The following RASGRP1 variants were observed in gnomAD, a reference collection of about 807,000 sequenced individuals.
RASGRP1 encodes RAS guanyl-releasing protein 1.
A neutral mutation model predicts 95.1 loss-of-function variants in RASGRP1; 37 were observed. The observed-to-expected ratio is 0.39, with a 90% CI of 0.30 to 0.51. RASGRP1 has a LOEUF of 0.51. Among genes scored for constraint, RASGRP1 ranks in the 20% least tolerant of loss-of-function variants. The probability of loss-of-function intolerance (pLI) is 0.80; values close to 1 mark genes in which losing one functional copy is unlikely to be tolerated. For synonymous variants in RASGRP1, 325 were observed against 353.4 expected (o/e 0.92, Z 0.90); for missense variants, 711 against 965.4 (o/e 0.74, Z 3.49).
intron 16 of RASGRP1, among the ~76,000 whole-genome samples, chr15:38,490,998 C>T (rs1362478051): frequency 1.3e-5 from 2 of 152,154 alleles, no homozygotes; most frequent in Non-Finnish European, 2.9e-5. Flanking sequence ...GAGATCTCAA[C>T]TTGGCAGAAA....
At chr15:38,555,076 T>C (rs542839756) in intron 2 of RASGRP1, among the ~76,000 whole-genome samples, 24 of 152,340 alleles carry the variant, frequency 1.6e-4, no homozygotes, top group African/African-American at 5.1e-4. Flanking sequence ...TGGTAAGAAA[T>C]ACCTAATCTT....
chr15:38,547,837 G>A (rs2141178799), intron 2 of RASGRP1, among the ~76,000 whole-genome samples: 1 of 152,200 alleles, frequency 6.6e-6, no homozygotes, highest in Non-Finnish European at 1.5e-5. Flanking sequence ...ACATTTCCCT[G>A]CTCAAAACTG....
At chr15:38,501,311 G>A (rs753607806) in intron 12 of RASGRP1, 24 bp from the exon 13 acceptor site, 1 of 1,613,010 alleles carries the variant, frequency 6.2e-7, no homozygotes, top group Admixed American at 1.7e-5. Context: ...ACCAAGGCAA[G>A]GATGTGAGTA....
Position 38,505,783 on chromosome 15 carries a change from CGAG to C in RASGRP1, c.1323+54_1323+56del, listed in dbSNP as rs1891232274. ...GTCTGTTCCTGAGGATGAATGAACT[CGAG>C]GAGAAGCTTGTAAAGCACCTGTTAC... On this transcript the variant is annotated intron_variant, in intron 10 of 16. Coordinates refer to ENST00000310803, the MANE Select transcript of RASGRP1 (RefSeq NM_005739.4). The C allele has an allele frequency of 8.1e-6, 11 of 1,362,200 alleles. No individual in the cohort carries two copies. In the East Asian group the frequency reaches 1.2e-4, roughly 15 times the overall value. 84.4% of individuals were successfully genotyped at this position (1,362,200 alleles called of 1,614,324 possible).
intron 2 of RASGRP1, among the ~76,000 whole-genome samples, chr15:38,559,262 T>G (rs565956498): frequency 2.0e-5 from 3 of 152,234 alleles, no homozygotes; most frequent in Admixed American, 1.3e-4. Context: ...GTGCAGCGTC[T>G]GAAATGTGCG....
chr15:38,552,326 A>C (rs1388845437), intron 2 of RASGRP1, among the ~76,000 whole-genome samples: 1 of 152,250 alleles, frequency 6.6e-6, no homozygotes, highest in Non-Finnish European at 1.5e-5. Context: ...AGAGATAAAA[A>C]ATAGAAGTCT....
At chr15:38,509,236 C>T (rs1891397026) in intron 8 of RASGRP1, among the ~76,000 whole-genome samples, 1 of 152,108 alleles carries the variant, frequency 6.6e-6, no homozygotes, top group African/African-American at 2.4e-5. Flanking sequence ...ATCCAAATTG[C>T]CAACATCATT....
At chr15:38,526,082 C>CT (rs1892208046) in intron 3 of RASGRP1, among the ~76,000 whole-genome samples, 1 of 152,002 alleles carries the variant, frequency 6.6e-6, no homozygotes, top group African/African-American at 2.4e-5. Context: ...CTTTGACCAC[C>CT]CCCCAGAGCA....
At chr15:38,500,381 G>T (rs1258079525) in intron 13 of RASGRP1, among the ~76,000 whole-genome samples, 2 of 150,856 alleles carry the variant, frequency 1.3e-5, no homozygotes, top group Non-Finnish European at 2.9e-5. Context: ...TTGCCCAGTT[G>T]CCCAGGCTGG....
chr15:38,559,076 C>G (rs1025358216), intron 2 of RASGRP1, among the ~76,000 whole-genome samples: 8 of 152,140 alleles, frequency 5.3e-5, no homozygotes, highest in African/African-American at 1.7e-4. Flanking sequence ...TCATTGAAAT[C>G]CATCAATTTT....
intron 2 of RASGRP1, among the ~76,000 whole-genome samples, chr15:38,539,804 G>A (rs536192898): frequency 3.2e-4 from 48 of 152,120 alleles, no homozygotes; most frequent in African/African-American, 9.4e-4. Context: ...TCCCACCTAT[G>A]AGTGAGAATA....
At chr15:38,556,575 C>A (rs1442215175) in intron 2 of RASGRP1, among the ~76,000 whole-genome samples, 1 of 152,202 alleles carries the variant, frequency 6.6e-6, no homozygotes, top group Non-Finnish European at 1.5e-5. Flanking sequence ...CAAACATCTA[C>A]CCTCTCCAGC....
rs115412618 is a variant in RASGRP1 at position 38,522,949 on chromosome 15, T to C, written c.326+3350A>G. On this transcript the variant is annotated intron_variant, in intron 3 of 16. Transcript: ENST00000310803. ...CATGAGACGGGGTAGGCGGACCATGTAGATACAAAGACTGGAGTGGGACAG... is the reference window on the plus strand; with the variant it reads ...CATGAGACGGGGTAGGCGGACCATGCAGATACAAAGACTGGAGTGGGACAG... 7.5e-3 allele frequency among the ~76,000 whole-genome samples: 1,140 copies of C among 152,194 alleles called. 17 individuals are homozygous for C. The highest frequency in any genetic ancestry group is 0.026 in the African/African-American group (1,084 of 41,528).
Position 38,553,463 on chromosome 15 carries a change from CT to C in RASGRP1, c.220+6357del, listed in dbSNP as rs139423224. Among the ~76,000 whole-genome samples, 6 of 152,262 alleles carry C rather than the reference CT, an allele frequency of 3.9e-5. No individual in the cohort carries two copies. In the East Asian group the frequency reaches 1.2e-3, roughly 29 times the overall value. On this transcript the variant is annotated intron_variant, in intron 2 of 16. Coordinates refer to ENST00000310803, the MANE Select transcript of RASGRP1 (RefSeq NM_005739.4). ...TACATAATCTGTTGCCAAAGTAGTACTTTTGGGTAAGTACTCAGGAGAAGCA... is the reference window on the plus strand; with the variant it reads ...TACATAATCTGTTGCCAAAGTAGTACTTTGGGTAAGTACTCAGGAGAAGCA...
rs1199619426 is a variant in RASGRP1, at chr15:38,542,937, GTATATATATA to G, written c.221-16543_221-16534del. On this transcript the variant is annotated intron_variant, in intron 2 of 16. Transcript: ENST00000310803. ...TATATGTGTGTATATATATGTGTGT[GTATATATATA>G]TATACACACATACATATATATATTC... 2.2e-4 allele frequency among the ~76,000 whole-genome samples: 28 copies of G among 124,674 alleles called. No homozygotes were observed. In the South Asian group the frequency reaches 6.6e-3, roughly 29 times the overall value. The allele number at this position is 124,674 out of a possible 152,430, so 81.8% of individuals were successfully genotyped here.
intron 2 of RASGRP1, among the ~76,000 whole-genome samples, chr15:38,532,385 T>C (rs749150391): frequency 4.6e-5 from 7 of 152,222 alleles, no homozygotes; most frequent in Non-Finnish European, 7.3e-5. Context: ...TAATGTAAGC[T>C]GCTAGAGAAG....
At position 38,503,318 on chromosome 15, in the gene RASGRP1, T is replaced by A; in HGVS notation, c.1382A>T (p.Lys461Ile). ...TTTGCTAATGGTTTTTGGATCAGGTTTGGGAGACACTCCAGAAGCCCAGTC... is the reference window on the plus strand; with the variant it reads ...TTTGCTAATGGTTTTTGGATCAGGTATGGGAGACACTCCAGAAGCCCAGTC... ...VVDWASGVSP[K>I]PDPKTISKHV... is the part of the protein sequence containing the mutation. Residue 461 changes from lysine to isoleucine, a missense_variant, in exon 11 of 17, where the codon AAA (lysine) becomes ATA (isoleucine). Physicochemically the swap from Lys to Ile is moderately radical, Grantham distance 102. Transcript: ENST00000310803. 6.2e-7 allele frequency: 1 copy of A among 1,613,024 alleles called. No individual in the cohort carries two copies. The highest frequency in any genetic ancestry group is 8.5e-7 in the Non-Finnish European group (1 of 1,179,514).
At chr15:38,517,769 A>G (rs1891845609) in intron 5 of RASGRP1, among the ~76,000 whole-genome samples, 1 of 152,182 alleles carries the variant, frequency 6.6e-6, no homozygotes, top group South Asian at 2.1e-4. Flanking sequence ...AAAGGCACTC[A>G]TTTTCCCAGA....
At position 38,493,216 on chromosome 15, in the gene RASGRP1, T is replaced by G. The variant is rs115149565; in HGVS notation, c.2259+1166A>C. 6.4e-3 allele frequency among the ~76,000 whole-genome samples: 919 copies of G among 142,756 alleles called. 9 individuals are homozygous for G. Among genetic ancestry groups the G allele is most frequent in the African/African-American group, 0.023 (878 of 38,364 alleles). The allele number at this position is 142,756 out of a possible 152,430, so 93.7% of individuals were successfully genotyped here. A position where few individuals can be genotyped will look rare whatever the true frequency, so the allele number is the denominator to read the frequency against. On this transcript the variant is annotated intron_variant, in intron 16 of 16. Coordinates refer to ENST00000310803, the MANE Select transcript of RASGRP1 (RefSeq NM_005739.4). The stretch of plus-strand genomic sequence containing the variant: ...TTTTTTTTTTTAAGATGGAGTCTGT[T>G]GCCTAGGCTAGAGTGCCGTGGCTTG...
Sources: gnomAD v4.1 joint callset for allele counts (sites outside exome capture counted in the v4.1 genomes callset) on GRCh38, gnomAD v4.1.1 for gene constraint, MANE v1.5 for transcripts, NCBI Gene and HGNC (gene_info 2026-07-23, HGNC 2026-07-21) for gene names.